Variants in BICRA observed in about 807,000 individuals in gnomAD.
BICRA encodes BRD4 interacting chromatin remodeling complex associated protein, also known as BRD4-interacting chromatin-remodeling complex-associated protein.
In BICRA, 31 loss-of-function variants were observed where a neutral mutation model predicts 96.9. The ratio of observed to expected loss-of-function variants is 0.32; its 90% confidence interval spans 0.24 to 0.43. BICRA has a LOEUF of 0.43. Among genes scored for constraint, BICRA ranks in the 20% least tolerant of loss-of-function variants. The probability of loss-of-function intolerance (pLI) is 1.00; values close to 1 mark genes in which losing one functional copy is unlikely to be tolerated. For missense variants in BICRA, 2,283 were observed against 2,190.3 expected, an observed-to-expected ratio of 1.04 and a Z score of -0.84; for synonymous variants, 1,350 against 1,071.8, an observed-to-expected ratio of 1.26 and a Z score of -5.07.
At chr19:47,691,165 G>A (rs529854635) in intron 7 of BICRA, among the ~76,000 whole-genome samples, 1 of 152,350 alleles carries the variant, frequency 6.6e-6, no homozygotes, top group East Asian at 1.9e-4. Flanking sequence ...CACTTGTGTG[G>A]CTATTAGCAG....
Position 47,681,191 on chromosome 19 carries a change from C to G in BICRA, c.2021C>G (p.Pro674Arg), listed in dbSNP as rs1051563567. 7 of 1,532,570 alleles carry G rather than the reference C, an allele frequency of 4.6e-6. No homozygotes were observed. The highest frequency in any genetic ancestry group is 1.2e-5 in the South Asian group (1 of 83,978). 94.9% of individuals were successfully genotyped at this position (1,532,570 alleles called of 1,614,324 possible). ...CCCAGCCCTGGCCTGGCGTCTAGCC[C>G]GGAGAAGATCGTCCTGGGGCAGCCG... ...PQPSPGLASS[P>R]EKIVLGQPPS... Residue 674 changes from proline (P) to arginine (R), a missense_variant, in exon 6 of 15, where the codon CCG becomes CGG. Transcript: ENST00000594866.
chr19:47,630,300 A>G (rs923935712), intron 1 of BICRA, among the ~76,000 whole-genome samples: 5 of 150,982 alleles, frequency 3.3e-5, no homozygotes, highest in Non-Finnish European at 5.9e-5. Flanking sequence ...AGCTGGGACT[A>G]TAGGCGTCCG....
upstream of BICRA, among the ~76,000 whole-genome samples, chr19:47,608,892 GGTTT>G (rs1465595002): frequency 4.9e-5 from 2 of 40,804 alleles, no homozygotes; most frequent in Non-Finnish European, 1.1e-4. Flanking sequence ...AAACCTGAGA[GGTTT>G]TTTTTTTTTT....
At chr19:47,644,662 A>G (rs1972433679) in intron 1 of BICRA, among the ~76,000 whole-genome samples, 2 of 152,064 alleles carry the variant, frequency 1.3e-5, no homozygotes, top group South Asian at 4.2e-4. Context: ...CACTATGCCC[A>G]GATAAGTTTT....
intron 5 of BICRA, among the ~76,000 whole-genome samples, chr19:47,676,617 G>A (rs1298509436): frequency 8.8e-6 from 1 of 114,272 alleles, no homozygotes; most frequent in South Asian, 3.3e-4. Context: ...CACCCTCCCC[G>A]CCTTCCCTCT....
At chr19:47,616,400 G>T (rs905270024) in intron 1 of BICRA, among the ~76,000 whole-genome samples, 1 of 152,190 alleles carries the variant, frequency 6.6e-6, no homozygotes, top group Non-Finnish European at 1.5e-5. Flanking sequence ...ACTTTGGGAG[G>T]CCAAGGCAGG....
chr19:47,694,843 G>GACACCCCTACACCTA, intron 8 of BICRA, 57 bp from the exon 9 acceptor site: 1 of 1,314,092 alleles, frequency 7.6e-7, no homozygotes. Flanking sequence ...GCTGCGTCTG[G>GACACCCCTACACCTA]ACACCCCTAC....
chr19:47,667,022 CTTT>C (rs1045708307), intron 1 of BICRA, among the ~76,000 whole-genome samples: 1 of 143,104 alleles, frequency 7.0e-6, no homozygotes, highest in Admixed American at 7.1e-5. Context: ...TGTCTTTTTT[CTTT>C]TTTTTTTTTT....
chr19:47,698,911 C>A lies in BICRA; in HGVS notation c.3398-54C>A. 1 of 1,416,284 alleles carries A rather than the reference C, an allele frequency of 7.1e-7. No homozygotes were observed. The highest frequency in any genetic ancestry group is 9.8e-7 in the Non-Finnish European group (1 of 1,022,474). 87.7% of individuals were successfully genotyped at this position (1,416,284 alleles called of 1,614,324 possible). ...ACCCTGCCCCGCCCTCCTTCCTGCGCATCCGCGGCCGCCCCCAACATCTCC... is the reference window on the plus strand; with the variant it reads ...ACCCTGCCCCGCCCTCCTTCCTGCGAATCCGCGGCCGCCCCCAACATCTCC... On this transcript the variant is annotated intron_variant, in intron 12 of 14. Transcript: ENST00000594866. This position sits in a 1 kb window ranked among gnomAD's most constrained non-coding sequence, Gnocchi z 4.8.
intron 1 of BICRA, among the ~76,000 whole-genome samples, chr19:47,643,983 A>G (rs957326614): frequency 6.6e-6 from 1 of 152,168 alleles, no homozygotes; most frequent in African/African-American, 2.4e-5. Context: ...AGAGCATGAT[A>G]TAGAGAGACC....
Position 47,699,894 on chromosome 19 carries a change from G to T in BICRA, c.3595+489G>T. ...TTTCCAGAATATTCCCTTAGCCTTT[G>T]CCCACATTCCAACTCCAGGGCTTCC... is the stretch of plus-strand genomic sequence containing the variant. On this transcript the variant is annotated intron_variant, in intron 14 of 14. Coordinates refer to ENST00000594866, the MANE Select transcript of BICRA (RefSeq NM_001394372.1). This position sits in a 1 kb window ranked among gnomAD's most constrained non-coding sequence, Gnocchi z 5.0. The T allele has an allele frequency of 6.3e-6, 1 of 158,002 alleles. No individual in the cohort carries two copies. The highest frequency in any genetic ancestry group is 1.4e-5 in the Non-Finnish European group (1 of 71,056). 9.8% of individuals were successfully genotyped at this position (158,002 alleles called of 1,614,324 possible). A position where few individuals can be genotyped will look rare whatever the true frequency, so the allele number is the denominator to read the frequency against.
intron 1 of BICRA, among the ~76,000 whole-genome samples, chr19:47,647,818 C>T (rs373989516): frequency 6.6e-6 from 1 of 151,892 alleles, no homozygotes; most frequent in Non-Finnish European, 1.5e-5. Context: ...CTTGACCACA[C>T]TGCACGGGGA....
chr19:47,693,581 G>T (rs577059276), intron 7 of BICRA, among the ~76,000 whole-genome samples: 1 of 152,324 alleles, frequency 6.6e-6, no homozygotes, highest in South Asian at 2.1e-4. Flanking sequence ...CATCAACCCC[G>T]AGCCATGGTA....
chr19:47,672,118 G>A (rs1235679142), intron 2 of BICRA, among the ~76,000 whole-genome samples: 1 of 132,898 alleles, frequency 7.5e-6, no homozygotes, highest in East Asian at 2.6e-4. Context: ...GAAGGATGGA[G>A]GATGGGTAGG....
chr19:47,676,650 CCAAA>C (rs1972946929), intron 5 of BICRA, among the ~76,000 whole-genome samples: 2 of 147,462 alleles, frequency 1.4e-5, no homozygotes, highest in African/African-American at 2.5e-5. Context: ...CACGCATTCA[CCAAA>C]CACTTATTAT....
Position 47,698,863 on chromosome 19 carries a change from C to A in BICRA, c.3397+81C>A. On this transcript the variant is annotated intron_variant, in intron 12 of 14. Transcript: ENST00000594866. This position sits in a 1 kb window ranked among gnomAD's most constrained non-coding sequence, Gnocchi z 4.8. ...GCGGGGCGTCGCCAGTGTGGAGCCG[C>A]AGGTCCACGGTGCGCTATGCTGACC... The A allele has an allele frequency of 7.2e-7, 1 of 1,397,724 alleles. No individual in the cohort carries two copies. Among genetic ancestry groups the A allele is most frequent in the Non-Finnish European group, 9.9e-7 (1 of 1,007,586 alleles). The allele number at this position is 1,397,724 out of a possible 1,614,324, so 86.6% of individuals were successfully genotyped here.
chr19:47,620,210 G>A (rs1177257520), intron 1 of BICRA, among the ~76,000 whole-genome samples: 1 of 152,186 alleles, frequency 6.6e-6, no homozygotes, highest in African/African-American at 2.4e-5. Context: ...TGCAGAAGAT[G>A]AGAAGGGAGG....
intron 1 of BICRA, among the ~76,000 whole-genome samples, chr19:47,664,960 G>A (rs1399987280): frequency 2.0e-5 from 3 of 152,316 alleles, no homozygotes; most frequent in Middle Eastern, 3.4e-3. Context: ...TGCCACACCA[G>A]GGCTTGTCTC....
chr19:47,673,803 GCTGT>G (rs769798555), intron 4 of BICRA, 41 bp downstream of exon 4: 4 of 1,545,496 alleles, frequency 2.6e-6, no homozygotes, highest in South Asian at 2.2e-5. Flanking sequence ...TGAGTGGGGG[GCTGT>G]CTAATTGGGA....
Sources: allele counts gnomAD v4.1 joint callset (sites outside exome capture counted in the v4.1 genomes callset), GRCh38; gene constraint gnomAD v4.1.1; non-coding constraint Gnocchi (gnomAD v3.1); transcripts MANE v1.5; gene names NCBI Gene and HGNC (gene_info 2026-07-23, HGNC 2026-07-21).